The following MOB3B variants were observed in gnomAD, a reference collection of about 807,000 sequenced individuals.
The protein encoded by MOB3B is MOB kinase activator-like 2B.
MOB3B carries 7 observed loss-of-function variants against 18.7 expected under a neutral mutation model. The observed-to-expected ratio is 0.37, with a 90% CI of 0.21 to 0.70. The LOEUF (loss-of-function observed/expected upper bound fraction) is 0.70. Among genes scored for constraint, MOB3B ranks in the 30% least tolerant of loss-of-function variants. The pLI, the probability that MOB3B is intolerant of heterozygous loss-of-function variation, is 0.52. For missense variants in MOB3B, 253 were observed against 281.3 expected, an observed-to-expected ratio of 0.90 and a Z score of 0.72; for synonymous variants, 111 against 99.9, an observed-to-expected ratio of 1.11 and a Z score of -0.66.
intron 1 of MOB3B, among the ~76,000 whole-genome samples, chr9:27,513,117 T>C (rs150614710): frequency 1.6e-3 from 241 of 152,386 alleles, no homozygotes; most frequent in African/African-American, 5.5e-3. Context: ...AAAACTATCA[T>C]GTTAATTCAG....
intron 1 of MOB3B, among the ~76,000 whole-genome samples, chr9:27,465,874 G>A (rs551588061): frequency 6.6e-6 from 1 of 152,180 alleles, no homozygotes. Flanking sequence ...TTCCTAGGCT[G>A]CATACAGCAC....
chr9:27,513,859 T>C (rs1820182963), intron 1 of MOB3B, among the ~76,000 whole-genome samples: 1 of 152,090 alleles, frequency 6.6e-6, no homozygotes, highest in African/African-American at 2.4e-5. Context: ...CATCATCTCC[T>C]TGGAGATGAA....
At chr9:27,412,844 A>T (rs909196187) in intron 2 of MOB3B, among the ~76,000 whole-genome samples, 3 of 152,178 alleles carry the variant, frequency 2.0e-5, no homozygotes, top group African/African-American at 7.2e-5. Flanking sequence ...TTACACTCTG[A>T]TGGTTTACTC....
intron 2 of MOB3B, among the ~76,000 whole-genome samples, chr9:27,397,857 G>T (rs1342580198): frequency 6.6e-6 from 1 of 152,162 alleles, no homozygotes; most frequent in African/African-American, 2.4e-5. Context: ...ATAATTGTTT[G>T]TTGTGAGAGA....
intron 3 of MOB3B, among the ~76,000 whole-genome samples, chr9:27,337,915 T>C (rs1739773379): frequency 6.6e-6 from 1 of 152,174 alleles, no homozygotes; most frequent in South Asian, 2.1e-4. Context: ...TCGTCCAGTT[T>C]GAAGGGCTCA....
intron 2 of MOB3B, chr9:27,378,780 G>A (rs1442753707): frequency 7.1e-6 from 3 of 424,324 alleles, no homozygotes; most frequent in African/African-American, 6.2e-5. Context: ...CACACAGGGA[G>A]GCTAGGAGAA....
intron 3 of MOB3B, among the ~76,000 whole-genome samples, chr9:27,344,206 C>G (rs1820998469): frequency 6.6e-6 from 1 of 151,968 alleles, no homozygotes; most frequent in African/African-American, 2.4e-5. Flanking sequence ...AACAAAAATC[C>G]TCATAGGAGT....
chr9:27,372,168 C>A (rs1821425648), intron 2 of MOB3B, among the ~76,000 whole-genome samples: 1 of 151,998 alleles, frequency 6.6e-6, no homozygotes, highest in Admixed American at 6.6e-5. Flanking sequence ...TGGCCTGGGA[C>A]ACCTTAGTGT....
rs538838865 is a variant in MOB3B at position 27,437,792 on chromosome 9, G to A, written c.418+17341C>T. ...GACAGGGCTTATCTCCAAGGGAAGA[G>A]GGCTTCAGTTTTTTATCATGTCAGT... On this transcript the variant is annotated intron_variant, in intron 2 of 3. Transcript: ENST00000262244. Among the ~76,000 whole-genome samples, 3 of 152,276 alleles carry A rather than the reference G, an allele frequency of 2.0e-5. No homozygotes were observed. In the East Asian group the frequency reaches 5.8e-4, roughly 29 times the overall value.
intron 3 of MOB3B, among the ~76,000 whole-genome samples, chr9:27,336,867 T>A (rs1820871611): frequency 6.6e-6 from 1 of 152,142 alleles, no homozygotes; most frequent in Admixed American, 6.5e-5. Context: ...ATCATGCAGC[T>A]TCATCAATAC....
At chr9:27,507,680 C>T (rs1820080056) in intron 1 of MOB3B, among the ~76,000 whole-genome samples, 1 of 152,152 alleles carries the variant, frequency 6.6e-6, no homozygotes, top group Admixed American at 6.5e-5. Context: ...GGCTGAGTCC[C>T]CTCAGACCTA....
At chr9:27,376,494 AG>A (rs2131371042) in intron 2 of MOB3B, among the ~76,000 whole-genome samples, 1 of 152,372 alleles carries the variant, frequency 6.6e-6, no homozygotes, top group South Asian at 2.1e-4. Flanking sequence ...AAATGGACAC[AG>A]GACTCAAGAA....
chr9:27,508,585 A>C lies in MOB3B; in HGVS notation c.-199+20970T>G, dbSNP rs529957896. ...AAGGCTATTTTTCTAAAACTAAATA[A>C]AATAAATTGAAGTATATTAAAATAT... On this transcript the variant is annotated intron_variant, in intron 1 of 3. Coordinates refer to ENST00000262244, the MANE Select transcript of MOB3B (RefSeq NM_024761.5). 7.9e-5 allele frequency among the ~76,000 whole-genome samples: 12 copies of C among 152,290 alleles called. No homozygotes were observed. The East Asian group carries it at 2.3e-3, about 29-fold the overall frequency.
At chr9:27,335,835 C>T (rs1362156811) in intron 3 of MOB3B, among the ~76,000 whole-genome samples, 1 of 152,196 alleles carries the variant, frequency 6.6e-6, no homozygotes, top group African/African-American at 2.4e-5. Context: ...TGACACCTTT[C>T]ACACTGTTGT....
intron 2 of MOB3B, among the ~76,000 whole-genome samples, chr9:27,450,282 C>T (rs976343820): frequency 9.2e-5 from 14 of 152,140 alleles, no homozygotes; most frequent in Non-Finnish European, 1.9e-4. Context: ...TGCTCAAGAA[C>T]AGGGGTTCTG....
intron 2 of MOB3B, among the ~76,000 whole-genome samples, chr9:27,398,091 T>C (rs996152145): frequency 2.2e-4 from 34 of 152,234 alleles, no homozygotes; most frequent in African/African-American, 7.7e-4. Flanking sequence ...CATTCTGGGT[T>C]ACCTCAGTAG....
chr9:27,417,759 G>C (rs1587197594), intron 2 of MOB3B, among the ~76,000 whole-genome samples: 1 of 152,078 alleles, frequency 6.6e-6, no homozygotes, highest in Non-Finnish European at 1.5e-5. Flanking sequence ...TCTGGGGTTA[G>C]AAAATAGAAA....
intron 1 of MOB3B, among the ~76,000 whole-genome samples, chr9:27,481,230 A>C (rs1819644153): frequency 6.6e-6 from 1 of 152,248 alleles, no homozygotes; most frequent in Non-Finnish European, 1.5e-5. Flanking sequence ...AACAAACAGC[A>C]CAAAAGACTC....
intron 1 of MOB3B, among the ~76,000 whole-genome samples, chr9:27,519,123 C>T (rs369019565): frequency 6.6e-6 from 1 of 152,056 alleles, no homozygotes; most frequent in South Asian, 2.1e-4. Flanking sequence ...TAATTTTCCC[C>T]GACATCTGAC....
Sources: allele counts gnomAD v4.1 joint callset (sites outside exome capture counted in the v4.1 genomes callset), GRCh38; gene constraint gnomAD v4.1.1; transcripts MANE v1.5; gene names NCBI Gene and HGNC (gene_info 2026-07-23, HGNC 2026-07-21).